ST3GAL3: variants seen among roughly 807,000 people sequenced by gnomAD.
The protein encoded by ST3GAL3 is ST3 beta-galactoside alpha-2,3-sialyltransferase 3.
In ST3GAL3, 21 loss-of-function variants were observed where a neutral mutation model predicts 50.1. That is an observed-to-expected ratio of 0.42 (90% CI 0.30 to 0.60). ST3GAL3 has a LOEUF of 0.60. Ranked by LOEUF, ST3GAL3 falls within the 20% of genes least tolerant of loss-of-function variation. ST3GAL3 has a pLI of 0.19. For synonymous variants in ST3GAL3, 183 were observed against 190.0 expected (o/e 0.96, Z 0.30); for missense variants, 353 against 489.4 (o/e 0.72, Z 2.63).
intron 4 of ST3GAL3, among the ~76,000 whole-genome samples, chr1:43,831,287 C>T (rs1471566906): frequency 6.6e-6 from 1 of 152,192 alleles, no homozygotes; most frequent in Non-Finnish European, 1.5e-5. Flanking sequence ...TAGGACTGCT[C>T]CAAAGGTAGA....
intron 2 of ST3GAL3, among the ~76,000 whole-genome samples, chr1:43,752,588 C>T (rs532333973): frequency 6.6e-6 from 1 of 152,200 alleles, no homozygotes; most frequent in Non-Finnish European, 1.5e-5. Flanking sequence ...GCAACCTCCA[C>T]CTCCTGGGCT....
chr1:43,858,555 C>G (rs1267307584), intron 5 of ST3GAL3, among the ~76,000 whole-genome samples: 2 of 152,194 alleles, frequency 1.3e-5, no homozygotes, highest in Non-Finnish European at 2.9e-5. Flanking sequence ...TTGTGAAGAG[C>G]AAAAGCTGGT....
intron 5 of ST3GAL3, among the ~76,000 whole-genome samples, chr1:43,854,355 C>A (rs1196263300): frequency 6.6e-6 from 1 of 152,210 alleles, no homozygotes; most frequent in Non-Finnish European, 1.5e-5. Context: ...GATAGTCTTT[C>A]TCTTTTCATG....
intron 11 of ST3GAL3, among the ~76,000 whole-genome samples, chr1:43,924,208 C>T (rs925623427): frequency 5.9e-5 from 9 of 152,106 alleles, no homozygotes; most frequent in African/African-American, 2.2e-4. Flanking sequence ...GTGAGAAGCT[C>T]ATTGTGGGTC....
intron 2 of ST3GAL3, among the ~76,000 whole-genome samples, chr1:43,780,384 T>C (rs1698981480): frequency 6.6e-6 from 1 of 152,170 alleles, no homozygotes; most frequent in Non-Finnish European, 1.5e-5. Flanking sequence ...TATACCTTGA[T>C]GGAGGGCTGT....
chr1:43,924,625 G>A (rs1230934095), intron 11 of ST3GAL3, among the ~76,000 whole-genome samples: 2 of 152,216 alleles, frequency 1.3e-5, no homozygotes, highest in Non-Finnish European at 2.9e-5. Context: ...ACCTAGTTGG[G>A]AGTTGCTGCA....
intron 9 of ST3GAL3, chr1:43,913,378 T>C (rs1257535048): frequency 6.6e-6 from 1 of 152,194 alleles, no homozygotes; most frequent in Non-Finnish European, 1.5e-5. Flanking sequence ...CTCAGCCCTA[T>C]TGTATGCACA....
At chr1:43,750,279 A>C (rs1685522386) in intron 2 of ST3GAL3, among the ~76,000 whole-genome samples, 1 of 152,238 alleles carries the variant, frequency 6.6e-6, no homozygotes, top group Non-Finnish European at 1.5e-5. Context: ...ATTTCTTTTA[A>C]AGTTCAGCAT....
intron 3 of ST3GAL3, among the ~76,000 whole-genome samples, chr1:43,808,061 T>A (rs2060106290): frequency 1.3e-5 from 2 of 152,036 alleles, no homozygotes; most frequent in Admixed American, 1.3e-4. Context: ...CCCAGCATTT[T>A]GGGAGGCCAA....
At chr1:43,756,100 CAA>C (rs139101819) in intron 2 of ST3GAL3, among the ~76,000 whole-genome samples, 10 of 72,114 alleles carry the variant, frequency 1.4e-4, no homozygotes, top group African/African-American at 4.4e-4. Flanking sequence ...GAACCAGTCT[CAA>C]AAAAAAAAAA....
chr1:43,828,074 A>C (rs1478988595), intron 4 of ST3GAL3, among the ~76,000 whole-genome samples: 2 of 152,214 alleles, frequency 1.3e-5, no homozygotes, highest in African/African-American at 4.8e-5. Flanking sequence ...TCAATAGAAT[A>C]GGATAGAGAT....
chr1:43,845,207 TC>T (rs1300063789), intron 5 of ST3GAL3, among the ~76,000 whole-genome samples: 17 of 152,168 alleles, frequency 1.1e-4, no homozygotes, highest in Admixed American at 9.8e-4. Flanking sequence ...GGTCTCGAAC[TC>T]CTGGCCTCCA....
chr1:43,895,918 G>A (rs2077327955), intron 6 of ST3GAL3, among the ~76,000 whole-genome samples: 1 of 152,194 alleles, frequency 6.6e-6, no homozygotes, highest in African/African-American at 2.4e-5. Flanking sequence ...TGCTCTTTCT[G>A]CTGAGATTTT....
intron 1 of ST3GAL3, among the ~76,000 whole-genome samples, chr1:43,723,439 TC>T (rs1671454834): frequency 6.6e-6 from 1 of 151,858 alleles, no homozygotes; most frequent in Admixed American, 6.6e-5. Context: ...TGATATCTGC[TC>T]CCTTTCCGCT....
intron 5 of ST3GAL3, among the ~76,000 whole-genome samples, chr1:43,869,514 G>A (rs142399918): frequency 7.0e-4 from 107 of 152,294 alleles, no homozygotes; most frequent in African/African-American, 2.5e-3. Flanking sequence ...TGGCTTAACA[G>A]GGAGCATAGA....
chr1:43,817,637 T>TCCTC (rs1269478927), intron 4 of ST3GAL3, among the ~76,000 whole-genome samples: 46 of 134,380 alleles, frequency 3.4e-4, no homozygotes, highest in African/African-American at 1.2e-3. Context: ...CTTCTCCTCC[T>TCCTC]CCTTCTCCTC....
rs2077983255 is a variant in ST3GAL3, at chr1:43,899,784, A to C, written c.744+57A>C. 1.3e-6 allele frequency: 2 copies of C among 1,506,678 alleles called. No individual in the cohort carries two copies. Among genetic ancestry groups the C allele is most frequent in the African/African-American group, 2.7e-5 (2 of 72,930 alleles). The allele number at this position is 1,506,678 out of a possible 1,614,324, so 93.3% of individuals were successfully genotyped here. On this transcript the variant is annotated intron_variant, in intron 9 of 11. Transcript: ENST00000347631. This position sits in a 1 kb window ranked among gnomAD's most constrained non-coding sequence, Gnocchi z 5.4. ...CTTGCCCTGGGCTTCCGCAACTCCT[A>C]AGCAATCCCGCCCCTTGAATGCAGC... is the stretch of plus-strand genomic sequence containing the variant.
In ST3GAL3 at chr1:43,923,802, A is replaced by G. The variant is rs144115543; in HGVS notation, c.1038+2874A>G. On this transcript the variant is annotated intron_variant, in intron 11 of 11. Coordinates refer to ENST00000347631, the MANE Select transcript of ST3GAL3 (RefSeq NM_006279.5). Reference sequence around the variant, plus strand: ...CTAATTTTTTTTATTTTTTGTAGGGATGAGATTTTGCTATGTTGCCCAAGC... The same window carrying G: ...CTAATTTTTTTTATTTTTTGTAGGGGTGAGATTTTGCTATGTTGCCCAAGC... 9.5e-3 allele frequency among the ~76,000 whole-genome samples: 1,435 copies of G among 151,746 alleles called. 13 individuals carry two copies. Among genetic ancestry groups the G allele is most frequent in the Non-Finnish European group, 0.014 (924 of 67,888 alleles).
chr1:43,782,244 C>T (rs1699600797), intron 2 of ST3GAL3, among the ~76,000 whole-genome samples: 1 of 152,158 alleles, frequency 6.6e-6, no homozygotes, highest in Admixed American at 6.5e-5. Flanking sequence ...CTCACCATCC[C>T]ACATCCGATC....
Sources: gnomAD v4.1 joint callset for allele counts (sites outside exome capture counted in the v4.1 genomes callset) on GRCh38, gnomAD v4.1.1 for gene constraint, Gnocchi (gnomAD v3.1) non-coding constraint, MANE v1.5 for transcripts, NCBI Gene and HGNC (gene_info 2026-07-23, HGNC 2026-07-21) for gene names.